RIMBP2: variants seen among roughly 807,000 people sequenced by gnomAD.
RIMBP2 encodes RIMS binding protein 2, also known as RIMS-binding protein 2.
In RIMBP2, 48 loss-of-function variants were observed where a neutral mutation model predicts 118.6. The ratio of observed to expected loss-of-function variants is 0.40; its 90% CI spans 0.32 to 0.51. The LOEUF (loss-of-function observed/expected upper bound fraction) is 0.51, where lower values mean the gene tolerates loss of function less well. Among genes scored for constraint, RIMBP2 ranks in the 20% least tolerant of loss-of-function variants. The pLI is 0.41. For missense variants in RIMBP2, 1,551 were observed against 1,768.3 expected, an observed-to-expected ratio of 0.88 and a Z score of 2.20; for synonymous variants, 762 against 742.9, an observed-to-expected ratio of 1.03 and a Z score of -0.42.
chr12:130,426,302 C>T (rs2076787349), intron 15 of RIMBP2: 2 of 138,986 alleles, frequency 1.4e-5, no homozygotes, highest in African/African-American at 5.8e-5. Flanking sequence ...TTTTTTGAGA[C>T]AGTGTCTCAC....
rs374995792 is a variant in RIMBP2 at position 130,539,838 on chromosome 12, C to A, written c.-216-21921G>T. ...AGGTGTAGGATATGGCAAATGCAGT[C>A]GATGAGGTGGCCAGGTGTAGGATAT... is the stretch of plus-strand genomic sequence containing the variant. On this transcript the variant is annotated intron_variant, in intron 2 of 22. Coordinates refer to ENST00000690449, the MANE Select transcript of RIMBP2 (RefSeq NM_001393629.1). Among the ~76,000 whole-genome samples the A allele has an allele frequency of 2.0e-4, 22 of 110,568 alleles. No homozygotes were observed. The East Asian group carries it at 2.8e-3, about 14-fold the overall frequency. 72.5% of individuals were successfully genotyped at this position (110,568 alleles called of 152,430 possible).
chr12:130,527,357 C>T (rs899503634), intron 2 of RIMBP2, among the ~76,000 whole-genome samples: 6 of 152,200 alleles, frequency 3.9e-5, no homozygotes, highest in African/African-American at 1.4e-4. Flanking sequence ...AGAGCAACTC[C>T]AAACTTCTCA....
At chr12:130,455,601 G>A (rs2079370412) in intron 7 of RIMBP2, among the ~76,000 whole-genome samples, 1 of 152,206 alleles carries the variant, frequency 6.6e-6, no homozygotes, top group Admixed American at 6.5e-5. Context: ...CGAGCGGAGA[G>A]GCAGGAGAAT....
chr12:130,398,928 A>T (rs2074265276), intron 22 of RIMBP2: 1 of 325,390 alleles, frequency 3.1e-6, no homozygotes, highest in Non-Finnish European at 5.7e-6. Context: ...TTCACTATAA[A>T]TTCAGTTGCT....
chr12:130,433,961 G>A (rs1199410072), intron 14 of RIMBP2, among the ~76,000 whole-genome samples: 4 of 152,212 alleles, frequency 2.6e-5, no homozygotes, highest in Non-Finnish European at 5.9e-5. Flanking sequence ...GATGAAGAAC[G>A]TCATGGCCGG....
chr12:130,417,709 A>AC (rs1360750075), intron 17 of RIMBP2, among the ~76,000 whole-genome samples: 1 of 152,266 alleles, frequency 6.6e-6, no homozygotes, highest in Non-Finnish European at 1.5e-5. Flanking sequence ...CTGCACATGT[A>AC]CCCCAGTGAA....
chr12:130,494,638 C>CAAA lies in RIMBP2; in HGVS notation c.-4+12007_-4+12009dup, dbSNP rs71451372. Among the ~76,000 whole-genome samples the CAAA allele has an allele frequency of 2.9e-3, 389 of 135,846 alleles. 3 individuals carry two copies. Among genetic ancestry groups the CAAA allele is most frequent in the African/African-American group, 7.5e-3 (272 of 36,484 alleles). 89.1% of individuals were successfully genotyped at this position (135,846 alleles called of 152,430 possible). ...TGGGCAACAGAGTGAAACCCTGTCT[C>CAAA]AAAAAAAAAAAAAGAAAGAAAAGAA... On this transcript the variant is annotated intron_variant, in intron 4 of 22. Coordinates refer to ENST00000690449, the MANE Select transcript of RIMBP2 (RefSeq NM_001393629.1).
chr12:130,457,594 G>C (rs1039568746), intron 6 of RIMBP2, among the ~76,000 whole-genome samples: 1 of 152,202 alleles, frequency 6.6e-6, no homozygotes, highest in Non-Finnish European at 1.5e-5. Context: ...GTCTACAGAG[G>C]ACCCACTCTA....
rs1037217473 is a variant in RIMBP2 at position 130,511,519 on chromosome 12, G to T, written c.-126-4749C>A. Among the ~76,000 whole-genome samples, 2 of 152,160 alleles carry T rather than the reference G, an allele frequency of 1.3e-5. No individual in the cohort carries two copies. The highest frequency in any genetic ancestry group is 4.8e-5 in the African/African-American group (2 of 41,442). On this transcript the variant is annotated intron_variant, in intron 3 of 22. Coordinates refer to ENST00000690449, the MANE Select transcript of RIMBP2 (RefSeq NM_001393629.1). This position sits in a 1 kb window ranked among gnomAD's most constrained non-coding sequence, Gnocchi z 4.3. The stretch of plus-strand genomic sequence containing the variant: ...CCCCTCCCTATTCCCCCAAGTCAAG[G>T]TTTGTCACTTCCTCTACTGGTACAG...
At chr12:130,648,385 CA>C (rs1296809411) in intron 1 of RIMBP2, among the ~76,000 whole-genome samples, 1 of 145,220 alleles carries the variant, frequency 6.9e-6, no homozygotes, top group Non-Finnish European at 1.6e-5. Context: ...TAGAATTACA[CA>C]CATAAGGTAT....
chr12:130,450,332 T>C lies in RIMBP2; in HGVS notation c.505-56A>G, dbSNP rs545456439. 7.5e-7 allele frequency: 1 copy of C among 1,336,508 alleles called. No homozygotes were observed. The highest frequency in any genetic ancestry group is 1.2e-5 in the South Asian group (1 of 81,264). 82.8% of individuals were successfully genotyped at this position (1,336,508 alleles called of 1,614,324 possible). ...TTGAAGCTGGAGGTGTCCCACCCCATTCCCGCGGCACACGGGAAAGCCCCT... is the reference window on the plus strand; with the variant it reads ...TTGAAGCTGGAGGTGTCCCACCCCACTCCCGCGGCACACGGGAAAGCCCCT... On this transcript the variant is annotated intron_variant, in intron 8 of 22. Transcript: ENST00000690449. This position sits in a 1 kb window ranked among gnomAD's most constrained non-coding sequence, Gnocchi z 4.8.
intron 4 of RIMBP2, among the ~76,000 whole-genome samples, chr12:130,505,870 G>T (rs1189270898): frequency 2.8e-5 from 2 of 72,658 alleles, no homozygotes; most frequent in Non-Finnish European, 5.0e-5. Context: ...CTATCCAGAG[G>T]CTCCCCTCAG....
In RIMBP2 at chr12:130,599,045, GAGAA is replaced by G. The variant is rs139985591; in HGVS notation, c.-217+29273_-217+29276del. ...ACAAAGATGCAAAGAGAATTTGATG[GAGAA>G]AGAGTTATCTTTTCCAAAAATGGTG... On this transcript the variant is annotated intron_variant, in intron 2 of 22. Coordinates refer to ENST00000690449, the MANE Select transcript of RIMBP2 (RefSeq NM_001393629.1). Among the ~76,000 whole-genome samples the G allele has an allele frequency of 4.6e-4, 70 of 152,296 alleles. 1 individual carries two copies. The East Asian group carries it at 0.013, about 29-fold the overall frequency.
chr12:130,596,574 C>T (rs780108329), intron 2 of RIMBP2, among the ~76,000 whole-genome samples: 5 of 152,180 alleles, frequency 3.3e-5, no homozygotes, highest in Non-Finnish European at 5.9e-5. Flanking sequence ...CACACAATGC[C>T]GAAGCCTAGA....
At chr12:130,479,237 TCTC>T (rs1401338980) in intron 4 of RIMBP2, among the ~76,000 whole-genome samples, 1 of 152,132 alleles carries the variant, frequency 6.6e-6, no homozygotes, top group Non-Finnish European at 1.5e-5. Context: ...ACCTGCCACT[TCTC>T]CTCTGCAGGT....
At chr12:130,503,253 G>A (rs1479818799) in intron 4 of RIMBP2, among the ~76,000 whole-genome samples, 5 of 151,234 alleles carry the variant, frequency 3.3e-5, no homozygotes, top group South Asian at 2.1e-4. Context: ...AATATTATCC[G>A]GGTGTGGTGG....
At chr12:130,426,671 G>A (rs11060887) in intron 15 of RIMBP2, 73,777 of 152,278 alleles carry the variant, frequency 0.48, 20,244 homozygotes, top group Non-Finnish European at 0.64. Flanking sequence ...CGATCCCCCT[G>A]TTGCTAAGAG....
intron 1 of RIMBP2, among the ~76,000 whole-genome samples, chr12:130,712,272 T>G (rs1949975261): frequency 6.6e-6 from 1 of 152,246 alleles, no homozygotes; most frequent in Non-Finnish European, 1.5e-5. Flanking sequence ...ATACATTTCT[T>G]AATTTTTTAC....
chr12:130,488,414 C>G (rs1204255356), intron 4 of RIMBP2, among the ~76,000 whole-genome samples: 1 of 151,562 alleles, frequency 6.6e-6, no homozygotes, highest in East Asian at 1.9e-4. Context: ...AAAGATAGCT[C>G]AGTCAGGGGG....
Sources: gnomAD v4.1 joint callset for allele counts (sites outside exome capture counted in the v4.1 genomes callset) on GRCh38, gnomAD v4.1.1 for gene constraint, Gnocchi (gnomAD v3.1) non-coding constraint, MANE v1.5 for transcripts, NCBI Gene and HGNC (gene_info 2026-07-23, HGNC 2026-07-21) for gene names.